PLRG1: variants seen among roughly 807,000 people sequenced by gnomAD.
PLRG1 encodes the protein pleiotropic regulator 1.
A neutral mutation model predicts 74.9 loss-of-function variants in PLRG1; 28 were observed. The ratio of observed to expected loss-of-function variants is 0.37; its 90% CI spans 0.28 to 0.51. The LOEUF (loss-of-function observed/expected upper bound fraction) is 0.51, where lower values mean the gene tolerates loss of function less well. Ranked by LOEUF, PLRG1 falls within the 20% of genes least tolerant of loss-of-function variation. The pLI is 0.91. For missense variants in PLRG1, 445 were observed against 631.9 expected (o/e 0.70, Z 3.17); for synonymous variants, 197 against 212.4 (o/e 0.93, Z 0.63).
In PLRG1 at chr4:154,548,913, T is replaced by G; in HGVS notation, c.32A>C (p.His11Pro). The change falls in exon 2 of 15, where the codon CAC (histidine) becomes CCC (proline). Residue 11 changes from histidine (H) to proline (P), a missense_variant. Transcript: ENST00000499023. The stretch of plus-strand genomic sequence containing the variant: ...CTTCAACGACCTGAACACAAGGGTG[T>G]GTACAGAATGTTTCTGTACCTCCTA... MVEEVQKHSV[H>P]TLVFRSLKRT... 1 of 1,603,508 alleles carries G rather than the reference T, an allele frequency of 6.2e-7. No individual in the cohort carries two copies. Among genetic ancestry groups the G allele is most frequent in the Non-Finnish European group, 8.5e-7 (1 of 1,170,390 alleles).
chr4:154,537,235 G>A, intron 14 of PLRG1, 51 bp downstream of exon 14: 1 of 1,185,636 alleles, frequency 8.4e-7, no homozygotes. Flanking sequence ...AGAATATGCT[G>A]CCAAATTGGT....
chr4:154,538,131 T>A, intron 12 of PLRG1, 23 bp from the exon 13 acceptor site: 1 of 1,335,378 alleles, frequency 7.5e-7, no homozygotes, highest in Non-Finnish European at 1.0e-6. Context: ...TAAAAAGAAT[T>A]AACGACAAAG....
intron 3 of PLRG1, chr4:154,547,413 G>A (rs1475925218): frequency 2.0e-6 from 1 of 508,718 alleles, no homozygotes; most frequent in Non-Finnish European, 3.5e-6. Context: ...AGACAAGATA[G>A]ATGGTGTCCT....
chr4:154,549,556 AGGTCC>A (rs1729720891), intron 1 of PLRG1: 1 of 395,316 alleles, frequency 2.5e-6, no homozygotes, highest in Non-Finnish European at 5.0e-6. Context: ...AGGGTAGACA[AGGTCC>A]AGATTAGGTA....
chr4:154,544,848 A>T (rs577053307), intron 6 of PLRG1, among the ~76,000 whole-genome samples: 2 of 152,312 alleles, frequency 1.3e-5, no homozygotes, highest in East Asian at 3.9e-4. Flanking sequence ...AAATGGGAAG[A>T]ATAGTGCCTA....
In PLRG1 at chr4:154,537,497, A is replaced by G; in HGVS notation, c.1292-18T>C. On this transcript the variant is annotated intron_variant, in intron 13 of 14. Coordinates refer to ENST00000499023, the MANE Select transcript of PLRG1 (RefSeq NM_002669.4). ...ATTGTCAGCTTAAAGGGAAAAATCT[A>G]GTTACACCTGGTATCCCCTCAGCAG... The G allele has an allele frequency of 6.3e-7, 1 of 1,587,648 alleles. No individual in the cohort carries two copies. The highest frequency in any genetic ancestry group is 1.1e-5 in the South Asian group (1 of 90,344).
chr4:154,548,054 C>T (rs565192683), intron 2 of PLRG1, among the ~76,000 whole-genome samples: 198 of 152,226 alleles, frequency 1.3e-3, no homozygotes, highest in African/African-American at 4.3e-3. Context: ...ATTAAACCTA[C>T]GTAATATTTT....
At chr4:154,546,316 T>A in intron 4 of PLRG1, 103 bp from the exon 5 acceptor site, 1 of 665,358 alleles carries the variant, frequency 1.5e-6, no homozygotes. Context: ...ATGTTTATTA[T>A]CTCCAGGCAG....
Position 154,546,193 on chromosome 4 carries a change from T to C in PLRG1, c.334A>G (p.Thr112Ala), listed in dbSNP as rs1371793727. 3 of 1,606,382 alleles carry C rather than the reference T, an allele frequency of 1.9e-6. No homozygotes were observed. The highest frequency in any genetic ancestry group is 1.7e-4 in the Middle Eastern group (1 of 6,046). ...PGPGVALTAD[T>A]KIQRMPSESA... ...TCACTTGGCATTCTCTGGATCTTAG[T>C]ATCTGCTGTCAAAGCAACCCCTATT... The change falls in exon 5 of 15, where the codon ACT (threonine) becomes GCT (alanine). Residue 112 changes from threonine to alanine, a missense_variant. Coordinates refer to ENST00000499023, the MANE Select transcript of PLRG1 (RefSeq NM_002669.4).
intron 7 of PLRG1, 97 bp from the exon 8 acceptor site, chr4:154,542,376 A>C (rs1263832521): frequency 1.4e-6 from 1 of 710,244 alleles, no homozygotes; most frequent in African/African-American, 1.8e-5. Flanking sequence ...CCCATCTTCA[A>C]ATCATAAAAG....
chr4:154,538,393 T>A (rs1190884209), intron 12 of PLRG1, among the ~76,000 whole-genome samples: 1 of 152,014 alleles, frequency 6.6e-6, no homozygotes, highest in East Asian at 1.9e-4. Context: ...GCAGAAGCCC[T>A]ATTTCACATG....
At position 154,547,694 on chromosome 4, in the gene PLRG1, G is replaced by T; in HGVS notation, c.259+17C>A. 1 of 1,601,738 alleles carries T rather than the reference G, an allele frequency of 6.2e-7. No homozygotes were observed. The highest frequency in any genetic ancestry group is 8.5e-7 in the Non-Finnish European group (1 of 1,171,804). On this transcript the variant is annotated intron_variant, in intron 3 of 14. Coordinates refer to ENST00000499023, the MANE Select transcript of PLRG1 (RefSeq NM_002669.4). ...ATTCACATATAAGTCTGACATTTCTGATAATACCATACTCACCTTGATTGG... is the reference window on the plus strand; with the variant it reads ...ATTCACATATAAGTCTGACATTTCTTATAATACCATACTCACCTTGATTGG...
chr4:154,546,559 A>C, intron 4 of PLRG1: 1 of 299,026 alleles, frequency 3.3e-6, no homozygotes, highest in Non-Finnish European at 6.3e-6. Context: ...TAACTTACTA[A>C]AACTAGAAAC....
At position 154,548,863 on chromosome 4, in the gene PLRG1, C is replaced by G. The variant is rs1239368171; in HGVS notation, c.82G>C (p.Asp28His). Reference sequence around the variant, plus strand: ...TCTAAAGGCACAGGTTTTCCATTATCAGCTACAAACATGTCATGGGTCCTC... The same window carrying G: ...TCTAAAGGCACAGGTTTTCCATTATGAGCTACAAACATGTCATGGGTCCTC... ...LKRTHDMFVADNGKPVPLDEE... is the reference protein window; with the variant it reads ...LKRTHDMFVAHNGKPVPLDEE... Residue 28 changes from aspartate to histidine, a missense_variant, in exon 2 of 15, where the codon GAT (aspartate) becomes CAT (histidine). By Grantham distance (81) the Asp-to-His change is moderately conservative. Transcript: ENST00000499023. 1 of 1,608,946 alleles carries G rather than the reference C, an allele frequency of 6.2e-7. No homozygotes were observed.
At chr4:154,542,462 C>T (rs530684914) in intron 7 of PLRG1, among the ~76,000 whole-genome samples, 183 bp from the exon 8 acceptor site, 1 of 152,126 alleles carries the variant, frequency 6.6e-6, no homozygotes, top group Non-Finnish European at 1.5e-5. Context: ...TGTGGCTCAT[C>T]TATATAATGT....
At chr4:154,542,141 A>T (rs374504315) in intron 8 of PLRG1, 46 bp downstream of exon 8, 1 of 1,179,318 alleles carries the variant, frequency 8.5e-7, no homozygotes, top group South Asian at 1.2e-5. Flanking sequence ...TTAAACTTAC[A>T]TGACAAACAC....
chr4:154,541,287 A>G (rs1377159704), intron 8 of PLRG1, among the ~76,000 whole-genome samples: 1 of 152,202 alleles, frequency 6.6e-6, no homozygotes, highest in East Asian at 1.9e-4. Context: ...GTTCACACTC[A>G]TTAGAAATTT....
intron 13 of PLRG1, 151 bp downstream of exon 13, chr4:154,537,818 A>G (rs901756008): frequency 1.9e-6 from 1 of 526,580 alleles, no homozygotes; most frequent in Admixed American, 3.4e-5. Flanking sequence ...AATATGCATG[A>G]ACACACATAA....
intron 6 of PLRG1, 94 bp from the exon 7 acceptor site, chr4:154,544,640 C>T (rs965050855): frequency 1.2e-4 from 79 of 684,644 alleles, no homozygotes; most frequent in Admixed American, 1.5e-4. Flanking sequence ...AGGGAACTTA[C>T]AAAAGAATTT....
Sources: allele counts gnomAD v4.1 joint callset (sites outside exome capture counted in the v4.1 genomes callset), GRCh38; gene constraint gnomAD v4.1.1; transcripts MANE v1.5; gene names NCBI Gene and HGNC (gene_info 2026-07-23, HGNC 2026-07-21).